Variants in FAT3 observed in about 807,000 individuals in gnomAD.
FAT3 encodes FAT atypical cadherin 3, also known as protocadherin Fat 3.
In FAT3, 95 loss-of-function variants were observed where a neutral mutation model predicts 310.2. That is an observed-to-expected ratio of 0.31 (90% confidence interval 0.26 to 0.36). FAT3 has a LOEUF of 0.36. Ranked by LOEUF, FAT3 falls within the 10% of genes least tolerant of loss-of-function variation. The pLI is 1.00. For synonymous variants in FAT3, 2,314 were observed against 2,192.9 expected, an observed-to-expected ratio of 1.06 and a Z score of -1.54; for missense variants, 5,408 against 5,715.6, an observed-to-expected ratio of 0.95 and a Z score of 1.74.
At chr11:92,647,252 A>G (rs527766911) in intron 3 of FAT3, among the ~76,000 whole-genome samples, 75 of 152,346 alleles carry the variant, frequency 4.9e-4, no homozygotes, top group African/African-American at 1.5e-3. Context: ...AAAAAGATAT[A>G]TAAAGATGAA....
At chr11:92,701,044 G>T (rs189541621) in intron 4 of FAT3, among the ~76,000 whole-genome samples, 52 of 152,294 alleles carry the variant, frequency 3.4e-4, no homozygotes, top group African/African-American at 1.2e-3. Flanking sequence ...TATATTTTGT[G>T]ACTTGTAAGG....
chr11:92,607,912 A>G (rs761615243), intron 3 of FAT3, among the ~76,000 whole-genome samples: 11 of 152,118 alleles, frequency 7.2e-5, no homozygotes, highest in African/African-American at 2.7e-4. Flanking sequence ...CTTTGTCCCG[A>G]TAAGACTTTG....
At chr11:92,393,123 C>A (rs1057443187) in intron 2 of FAT3, among the ~76,000 whole-genome samples, 3 of 152,254 alleles carry the variant, frequency 2.0e-5, no homozygotes, top group African/African-American at 7.2e-5. Context: ...CAAAATAATT[C>A]TCTAGCTGCT....
At chr11:92,590,649 T>C (rs1017861169) in intron 3 of FAT3, among the ~76,000 whole-genome samples, 2 of 152,166 alleles carry the variant, frequency 1.3e-5, no homozygotes, top group Non-Finnish European at 1.5e-5. Context: ...CTAATGTTTA[T>C]TGATTCATAG....
chr11:92,283,999 T>G (rs1946499677), intron 1 of FAT3, among the ~76,000 whole-genome samples: 1 of 152,136 alleles, frequency 6.6e-6, no homozygotes, highest in Admixed American at 6.6e-5. Context: ...TTTCTATATT[T>G]ATGTGTTTCT....
chr11:92,740,644 A>G (rs1945482289), intron 4 of FAT3, among the ~76,000 whole-genome samples: 1 of 152,234 alleles, frequency 6.6e-6, no homozygotes, highest in African/African-American at 2.4e-5. Flanking sequence ...TTCTGAATCC[A>G]TGTGATTTCA....
chr11:92,402,007 C>T (rs1415873504), intron 2 of FAT3, among the ~76,000 whole-genome samples: 1 of 152,154 alleles, frequency 6.6e-6, no homozygotes, highest in East Asian at 1.9e-4. Context: ...AGCTTCAGAA[C>T]CATACTCAGA....
At chr11:92,762,835 G>C (rs191225473) in intron 5 of FAT3, among the ~76,000 whole-genome samples, 16 of 152,222 alleles carry the variant, frequency 1.1e-4, no homozygotes, top group African/African-American at 2.6e-4. Context: ...CAGAAAGGCA[G>C]CTGGTATCCT....
chr11:92,818,029 AG>A (rs1291435724), intron 13 of FAT3, among the ~76,000 whole-genome samples: 1 of 152,142 alleles, frequency 6.6e-6, no homozygotes, highest in Non-Finnish European at 1.5e-5. Flanking sequence ...ACAGAGTCTG[AG>A]GAAGTGTTGC....
At chr11:92,281,018 T>C (rs1198663305) in intron 1 of FAT3, among the ~76,000 whole-genome samples, 23 of 152,200 alleles carry the variant, frequency 1.5e-4, no homozygotes, top group Admixed American at 1.5e-3. Context: ...TTATTGCTAC[T>C]ACTTATAATA....
At chr11:92,696,682 A>G (rs1276201179) in intron 3 of FAT3, among the ~76,000 whole-genome samples, 1 of 152,244 alleles carries the variant, frequency 6.6e-6, no homozygotes, top group Non-Finnish European at 1.5e-5. Context: ...AATTGGTGCA[A>G]TAAGCTGAGA....
At chr11:92,749,454 T>G (rs1228823529) in intron 4 of FAT3, among the ~76,000 whole-genome samples, 1 of 152,202 alleles carries the variant, frequency 6.6e-6, no homozygotes, top group African/African-American at 2.4e-5. Context: ...AGTACATCTG[T>G]CTGGACCTCA....
chr11:92,235,614 A>G (rs1437919124), intron 1 of FAT3, among the ~76,000 whole-genome samples: 1 of 152,212 alleles, frequency 6.6e-6, no homozygotes. Context: ...ATGGACTTCC[A>G]CAATTGACCA....
At chr11:92,786,939 T>C (rs989038816) in intron 7 of FAT3, among the ~76,000 whole-genome samples, 1 of 152,212 alleles carries the variant, frequency 6.6e-6, no homozygotes, top group African/African-American at 2.4e-5. Flanking sequence ...ATCTTCAGGA[T>C]ATAATGCAGG....
At chr11:92,560,023 A>G (rs1454633620) in intron 3 of FAT3, among the ~76,000 whole-genome samples, 1 of 152,212 alleles carries the variant, frequency 6.6e-6, no homozygotes, top group African/African-American at 2.4e-5. Context: ...TAATTTTTTG[A>G]GGAACCTCCC....
chr11:92,733,227 A>G (rs765303633), intron 4 of FAT3, among the ~76,000 whole-genome samples: 11 of 152,242 alleles, frequency 7.2e-5, no homozygotes, highest in Non-Finnish European at 1.3e-4. Flanking sequence ...CTCAGTAACC[A>G]CTTAATACAT....
intron 2 of FAT3, among the ~76,000 whole-genome samples, chr11:92,461,973 G>A (rs1951648976): frequency 1.3e-5 from 2 of 152,078 alleles, no homozygotes; most frequent in Admixed American, 1.3e-4. Context: ...AAGAGCTTTG[G>A]AGATCAGGAA....
intron 1 of FAT3, among the ~76,000 whole-genome samples, chr11:92,261,224 A>C (rs905751749): frequency 6.6e-6 from 1 of 152,134 alleles, no homozygotes; most frequent in African/African-American, 2.4e-5. Flanking sequence ...GGAGGAATTC[A>C]TCCAAACAAG....
At chr11:92,655,380 A>T (rs776832105) in intron 3 of FAT3, among the ~76,000 whole-genome samples, 2 of 152,248 alleles carry the variant, frequency 1.3e-5, no homozygotes, top group Non-Finnish European at 2.9e-5. Flanking sequence ...TTAATGACTG[A>T]TTGAATGAAT....
Sources: allele counts gnomAD v4.1 joint callset (sites outside exome capture counted in the v4.1 genomes callset), GRCh38; gene constraint gnomAD v4.1.1; transcripts MANE v1.5; gene names NCBI Gene and HGNC (gene_info 2026-07-23, HGNC 2026-07-21).